The following ARID1B variants were observed in gnomAD, a reference collection of about 807,000 sequenced individuals.
ARID1B encodes the protein AT-rich interactive domain-containing protein 1B.
ARID1B carries 30 observed loss-of-function variants against 212.3 expected under a neutral mutation model. The ratio of observed to expected loss-of-function variants is 0.14; its 90% CI spans 0.11 to 0.19. The LOEUF (loss-of-function observed/expected upper bound fraction) is 0.19, where lower values mean the gene tolerates loss of function less well. ARID1B is among the 10% of genes least tolerant of loss of function. ARID1B has a pLI of 1.00. For synonymous variants in ARID1B, 1,402 were observed against 1,301.7 expected, an observed-to-expected ratio of 1.08 and a Z score of -1.66; for missense variants, 2,891 against 3,204.0, an observed-to-expected ratio of 0.90 and a Z score of 2.36.
chr6:157,095,503 C>A (rs1433726101), intron 5 of ARID1B, among the ~76,000 whole-genome samples: 1 of 152,186 alleles, frequency 6.6e-6, no homozygotes, highest in African/African-American at 2.4e-5. Flanking sequence ...AAGAGAGCAC[C>A]CGTGTCCAAG....
chr6:157,065,444 G>A (rs1018697290), intron 4 of ARID1B, among the ~76,000 whole-genome samples: 8 of 152,132 alleles, frequency 5.3e-5, no homozygotes, highest in African/African-American at 9.7e-5. Context: ...TTAAAAAACC[G>A]TCTCTAATTG....
intron 8 of ARID1B, among the ~76,000 whole-genome samples, chr6:157,155,889 C>G (rs1166835730): frequency 1.3e-5 from 2 of 152,132 alleles, no homozygotes; most frequent in African/African-American, 2.4e-5. Flanking sequence ...GTGGCTTGTA[C>G]TGTGGCTCAT....
At chr6:156,939,753 T>C (rs1008803898) in intron 4 of ARID1B, 1 of 152,172 alleles carries the variant, frequency 6.6e-6, no homozygotes, top group Non-Finnish European at 1.5e-5. Flanking sequence ...TTGGTAACCA[T>C]AGCTTTAGGA....
chr6:156,833,913 G>A (rs1482990843), intron 2 of ARID1B, among the ~76,000 whole-genome samples: 1 of 152,148 alleles, frequency 6.6e-6, no homozygotes, highest in Non-Finnish European at 1.5e-5. Flanking sequence ...CAATGCAAAT[G>A]TTTATTTTGG....
chr6:157,118,259 A>G (rs1044053368), intron 6 of ARID1B, among the ~76,000 whole-genome samples: 2 of 152,168 alleles, frequency 1.3e-5, no homozygotes, highest in Non-Finnish European at 2.9e-5. Context: ...TTTGCAACCT[A>G]CGGAAACCGT....
rs1163916797 is a variant in ARID1B, at chr6:157,198,839, G to A, written c.4411G>A (p.Gly1471Ser). 2.5e-6 allele frequency: 4 copies of A among 1,612,124 alleles called. No individual in the cohort carries two copies. Among genetic ancestry groups the A allele is most frequent in the South Asian group, 1.1e-5 (1 of 90,444 alleles). ...RHEPYGQQYP[G>S]QGPPSGQPPY... ...TGAACCTTATGGGCAGCAGTATCCA[G>A]GCCAAGGCCCTCCCTCGGGACAGCC... The change falls in exon 17 of 20, where the codon GGC (glycine) becomes AGC (serine). Residue 1471 changes from glycine to serine, a missense_variant. Around this residue, in one of 7 missense-constraint regions of ARID1B, gnomAD observed 666 missense variants for 873.5 expected, o/e 0.76. Coordinates refer to ENST00000636930, the MANE Select transcript of ARID1B (RefSeq NM_001374828.1).
At chr6:157,182,515 C>T (rs1792627779) in intron 12 of ARID1B, among the ~76,000 whole-genome samples, 1 of 152,180 alleles carries the variant, frequency 6.6e-6, no homozygotes, top group Non-Finnish European at 1.5e-5. Context: ...CCCTGCGCCC[C>T]ACCAAGGTGG....
At chr6:156,894,861 G>A (rs1020849381) in intron 2 of ARID1B, among the ~76,000 whole-genome samples, 10 of 152,190 alleles carry the variant, frequency 6.6e-5, no homozygotes, top group Admixed American at 5.2e-4. Flanking sequence ...CTCAAGGCAA[G>A]CAGCTCTTAA....
chr6:156,966,584 C>T (rs1214363100), intron 4 of ARID1B, among the ~76,000 whole-genome samples: 1 of 151,768 alleles, frequency 6.6e-6, no homozygotes, highest in African/African-American at 2.4e-5. Context: ...TAATAGAGAT[C>T]GGGTTTCTTC....
In ARID1B at chr6:156,777,818, CGCGGCGGCG is replaced by C. The variant is rs1046394316; in HGVS notation, c.150_158del (p.Ala51_Ala53del). 2.5e-4 allele frequency: 251 copies of C among 1,011,732 alleles called. No individual in the cohort carries two copies. Among genetic ancestry groups the C allele is most frequent in the East Asian group, 1.6e-3 (19 of 11,802 alleles). 62.7% of individuals were successfully genotyped at this position (1,011,732 alleles called of 1,614,324 possible). On this transcript the variant is annotated inframe_deletion, in exon 1 of 20. Transcript: ENST00000636930. ...GGGACCTGGAGGCGGGGGCGCGCGG[CGCGGCGGCG>C]GCGGCGGCGGCACCGGGACCCATGC...
chr6:157,187,925 C>T (rs1165173738), intron 13 of ARID1B, among the ~76,000 whole-genome samples: 1 of 152,032 alleles, frequency 6.6e-6, no homozygotes, highest in African/African-American at 2.4e-5. Context: ...GAAAGCAAGT[C>T]ATTTCTCTTC....
At chr6:157,034,616 A>AT (rs1781209601) in intron 4 of ARID1B, among the ~76,000 whole-genome samples, 1 of 152,240 alleles carries the variant, frequency 6.6e-6, no homozygotes, top group African/African-American at 2.4e-5. Context: ...CTACCTGGAA[A>AT]TTAAGTGTGA....
chr6:156,830,579 A>G (rs1199378592), intron 2 of ARID1B, among the ~76,000 whole-genome samples: 2 of 152,220 alleles, frequency 1.3e-5, no homozygotes, highest in Middle Eastern at 3.4e-3. Flanking sequence ...TTGTTTCATT[A>G]TTATTGTTAT....
intron 4 of ARID1B, among the ~76,000 whole-genome samples, chr6:156,996,766 A>G (rs1363534521): frequency 6.6e-6 from 1 of 152,226 alleles, no homozygotes; most frequent in Admixed American, 6.5e-5. Context: ...ATAACAATTA[A>G]TAAATGTTGG....
chr6:156,924,998 C>T (rs1378226500), intron 3 of ARID1B, among the ~76,000 whole-genome samples: 1 of 152,110 alleles, frequency 6.6e-6, no homozygotes, highest in East Asian at 1.9e-4. Context: ...TCTGAGCCCA[C>T]TGTTAGTTTA....
chr6:157,141,631 A>G (rs1261688143), intron 7 of ARID1B, among the ~76,000 whole-genome samples: 1 of 152,236 alleles, frequency 6.6e-6, no homozygotes, highest in Non-Finnish European at 1.5e-5. Flanking sequence ...TTGAAATAGA[A>G]CTTTATTTTT....
intron 6 of ARID1B, among the ~76,000 whole-genome samples, chr6:157,126,433 T>TGATTTTTTTTTC (rs1461634161): frequency 6.6e-6 from 1 of 152,044 alleles, no homozygotes; most frequent in African/African-American, 2.4e-5. Context: ...TTCTTTTGCT[T>TGATTTTTTTTTC]GATTTTTTTT....
intron 4 of ARID1B, among the ~76,000 whole-genome samples, chr6:157,065,155 C>G (rs1783588741): frequency 6.6e-6 from 1 of 152,194 alleles, no homozygotes; most frequent in Non-Finnish European, 1.5e-5. Context: ...CCATACATAA[C>G]TGTGCTAGTC....
chr6:156,807,523 C>T (rs73572256), intron 1 of ARID1B, among the ~76,000 whole-genome samples: 5,832 of 150,580 alleles, frequency 0.039, 394 homozygotes, highest in African/African-American at 0.14. Context: ...AAGATTCAAA[C>T]GCTGGCAAAA....
Sources: gnomAD v4.1 joint callset for allele counts (sites outside exome capture counted in the v4.1 genomes callset) on GRCh38, gnomAD v4.1.1 for gene constraint, gnomAD v4.1.1 regional missense constraint, MANE v1.5 for transcripts, NCBI Gene and HGNC (gene_info 2026-07-23, HGNC 2026-07-21) for gene names.